PBX3: variants seen among roughly 807,000 people sequenced by gnomAD.
PBX3 encodes pre-B-cell leukemia transcription factor 3.
Under a neutral mutation model 48.5 loss-of-function variants are expected in PBX3, and 14 were observed. The ratio of observed to expected loss-of-function variants is 0.29; its 90% confidence interval spans 0.19 to 0.45. The LOEUF is 0.45. Among genes scored for constraint, PBX3 ranks in the 20% least tolerant of loss-of-function variants. PBX3 has a pLI of 1.00. For missense variants in PBX3, 386 were observed against 546.7 expected (o/e 0.71, Z 2.93); for synonymous variants, 210 against 200.3 (o/e 1.05, Z -0.41).
At chr9:125,781,487 C>G (rs1837309659) in intron 2 of PBX3, among the ~76,000 whole-genome samples, 1 of 144,022 alleles carries the variant, frequency 6.9e-6, no homozygotes, top group African/African-American at 2.6e-5. Flanking sequence ...CCAGCTTCGG[C>G]TAGGCATCAG....
At chr9:125,915,638 C>T (rs1841310787) in intron 2 of PBX3, 48 bp from the exon 3 acceptor site, 2 of 1,440,032 alleles carry the variant, frequency 1.4e-6, no homozygotes, top group African/African-American at 1.4e-5. Context: ...TATTTGTCCT[C>T]TGTTTCTCGC....
chr9:125,873,297 C>G (rs772859083), intron 2 of PBX3, among the ~76,000 whole-genome samples: 5 of 152,026 alleles, frequency 3.3e-5, no homozygotes, highest in Non-Finnish European at 7.4e-5. Context: ...ATAGAATAAT[C>G]AGACAAAAAT....
At chr9:125,766,296 C>T (rs1836799332) in intron 2 of PBX3, among the ~76,000 whole-genome samples, 1 of 151,942 alleles carries the variant, frequency 6.6e-6, no homozygotes, top group African/African-American at 2.4e-5. Context: ...AGAAAACTGC[C>T]ATAGCTACCT....
chr9:125,814,262 A>G (rs1838392344), intron 2 of PBX3, among the ~76,000 whole-genome samples: 1 of 149,230 alleles, frequency 6.7e-6, no homozygotes, highest in Non-Finnish European at 1.5e-5. Context: ...TCTCGCAGTT[A>G]TTATATTTTT....
At position 125,926,752 on chromosome 9, in the gene PBX3, G is replaced by A. The variant is rs190337824; in HGVS notation, c.517-2903G>A. ...GGAGAATCGCTTGAACTTGGGAGGC[G>A]GAGATTGCAGTGAGCCAAGATCGTG... On this transcript the variant is annotated intron_variant, in intron 3 of 8. Transcript: ENST00000373489. Among the ~76,000 whole-genome samples, 258 of 152,292 alleles carry A rather than the reference G, an allele frequency of 1.7e-3. 6 individuals carry two copies. The highest frequency in any genetic ancestry group is 0.012 in the East Asian group (61 of 5,186).
At chr9:125,829,050 G>T (rs1838885218) in intron 2 of PBX3, among the ~76,000 whole-genome samples, 1 of 152,134 alleles carries the variant, frequency 6.6e-6, no homozygotes, top group African/African-American at 2.4e-5. Context: ...AGACAGACAG[G>T]TTGTTTGAAA....
chr9:125,825,964 A>G (rs1838796062), intron 2 of PBX3, among the ~76,000 whole-genome samples: 1 of 152,186 alleles, frequency 6.6e-6, no homozygotes. Flanking sequence ...TTAATTTTGC[A>G]TTGGGAGATA....
chr9:125,762,348 G>A (rs1318565765), intron 2 of PBX3, among the ~76,000 whole-genome samples: 1 of 152,078 alleles, frequency 6.6e-6, no homozygotes, highest in Non-Finnish European at 1.5e-5. Flanking sequence ...GTATATATTT[G>A]TAATATAGGT....
chr9:125,886,326 G>A (rs1840500832), intron 2 of PBX3, among the ~76,000 whole-genome samples: 1 of 152,022 alleles, frequency 6.6e-6, no homozygotes, highest in South Asian at 2.1e-4. Context: ...ATATGGGAGG[G>A]GGAAGAAAGG....
intron 2 of PBX3, among the ~76,000 whole-genome samples, chr9:125,881,839 TG>T (rs1840389245): frequency 6.6e-6 from 1 of 151,962 alleles, no homozygotes; most frequent in African/African-American, 2.4e-5. Flanking sequence ...CCTGCTCTAA[TG>T]TTTTTTTGGG....
At chr9:125,805,100 T>C (rs759968757) in intron 2 of PBX3, among the ~76,000 whole-genome samples, 1 of 151,700 alleles carries the variant, frequency 6.6e-6, no homozygotes, top group Non-Finnish European at 1.5e-5. Context: ...TTTAGATAGG[T>C]TGTTAAAAGA....
intron 2 of PBX3, among the ~76,000 whole-genome samples, chr9:125,859,798 T>G (rs576018647): frequency 3.7e-4 from 57 of 152,346 alleles, no homozygotes; most frequent in African/African-American, 1.2e-3. Context: ...AAGGTTTTGC[T>G]AATTTCTCTA....
chr9:125,821,957 A>G (rs1838665386), intron 2 of PBX3, among the ~76,000 whole-genome samples: 1 of 152,084 alleles, frequency 6.6e-6, no homozygotes, highest in African/African-American at 2.4e-5. Context: ...ATCAAGAGAG[A>G]TGGGTAGAAG....
intron 2 of PBX3, among the ~76,000 whole-genome samples, chr9:125,780,090 G>C (rs1164211752): frequency 2.2e-5 from 3 of 133,748 alleles, no homozygotes; most frequent in East Asian, 2.4e-4. Flanking sequence ...CCTCCCGGAC[G>C]GGGCGGCTGG....
intron 2 of PBX3, among the ~76,000 whole-genome samples, chr9:125,785,942 G>A (rs1588144955): frequency 6.9e-6 from 1 of 144,646 alleles, no homozygotes; most frequent in Non-Finnish European, 1.5e-5. Flanking sequence ...GTTTAAAGTC[G>A]CTTTTTTTTT....
intron 2 of PBX3, among the ~76,000 whole-genome samples, chr9:125,828,387 C>G (rs939101869): frequency 8.6e-5 from 13 of 151,892 alleles, no homozygotes; most frequent in Non-Finnish European, 1.8e-4. Context: ...GAACAAAAAC[C>G]AAGTCACAAT....
chr9:125,870,467 G>T (rs1380458483), intron 2 of PBX3, among the ~76,000 whole-genome samples: 2 of 151,614 alleles, frequency 1.3e-5, no homozygotes, highest in African/African-American at 4.9e-5. Context: ...GACAGAGCTA[G>T]ACACTGTCAA....
chr9:125,909,914 T>G (rs977520377), intron 2 of PBX3, among the ~76,000 whole-genome samples: 1 of 152,172 alleles, frequency 6.6e-6, no homozygotes, highest in African/African-American at 2.4e-5. Flanking sequence ...TGAGAAGGTT[T>G]TGCAGCAAGT....
intron 2 of PBX3, among the ~76,000 whole-genome samples, chr9:125,893,926 T>TA (rs1200154074): frequency 6.6e-6 from 1 of 152,048 alleles, no homozygotes; most frequent in Non-Finnish European, 1.5e-5. Flanking sequence ...GATACAAACT[T>TA]ACTGCAGTAG....
Sources: gnomAD v4.1 joint callset for allele counts (sites outside exome capture counted in the v4.1 genomes callset) on GRCh38, gnomAD v4.1.1 for gene constraint, MANE v1.5 for transcripts, NCBI Gene and HGNC (gene_info 2026-07-23, HGNC 2026-07-21) for gene names.